Variants in PHF20 observed in about 807,000 individuals in gnomAD.
PHF20 encodes the protein glioma-expressed antigen 2.
Under a neutral mutation model 113.5 loss-of-function variants are expected in PHF20, and 23 were observed. The observed-to-expected ratio is 0.20, with a 90% CI of 0.15 to 0.29. The LOEUF is 0.29. PHF20 is among the 10% of genes least tolerant of loss of function. The pLI is 1.00. For missense variants in PHF20, 943 were observed against 1,219.6 expected, an observed-to-expected ratio of 0.77 and a Z score of 3.38; for synonymous variants, 434 against 457.3, an observed-to-expected ratio of 0.95 and a Z score of 0.65.
intron 15 of PHF20, among the ~76,000 whole-genome samples, chr20:35,936,716 GTA>G (rs1485666519): frequency 1.3e-5 from 2 of 152,028 alleles, no homozygotes; most frequent in Admixed American, 6.6e-5. Flanking sequence ...TTGCATTTTT[GTA>G]ATCAAATGCC....
intron 4 of PHF20, among the ~76,000 whole-genome samples, chr20:35,851,219 T>C (rs947292456): frequency 6.6e-6 from 1 of 152,200 alleles, no homozygotes; most frequent in African/African-American, 2.4e-5. Context: ...TCTGTTGATC[T>C]GTGGTTCTTT....
chr20:35,904,365 A>G (rs371204645), intron 10 of PHF20, among the ~76,000 whole-genome samples: 1 of 146,230 alleles, frequency 6.8e-6, no homozygotes, highest in African/African-American at 2.6e-5. Context: ...GCTCACTGCA[A>G]CCTCTGCCTT....
rs765401656 is a variant in PHF20, at chr20:35,938,932, G to A, written c.2536G>A (p.Ala846Thr). 14 of 1,614,082 alleles carry A rather than the reference G, an allele frequency of 8.7e-6. No homozygotes were observed. Among genetic ancestry groups the A allele is most frequent in the South Asian group, 5.5e-5 (5 of 91,090 alleles). ...TGAGCATTGCTACCAGAAGCCCCGC[G>A]CCTATTACCCTGCCGTGGAGCAGAA... ...TSEHCYQKPR[A>T]YYPAVEQKLV... Residue 846 changes from alanine (A) to threonine (T), a missense_variant, in exon 16 of 18, where the codon GCC (alanine) becomes ACC (threonine). By Grantham distance (58) the Ala-to-Thr change is moderately conservative. Transcript: ENST00000374012.
chr20:35,847,737 T>C (rs1435654213), intron 4 of PHF20, among the ~76,000 whole-genome samples: 1 of 152,216 alleles, frequency 6.6e-6, no homozygotes, highest in Non-Finnish European at 1.5e-5. Context: ...GTTCCTAATA[T>C]AATTGATGAC....
rs1456887132 is a variant in PHF20, at chr20:35,869,519, C to T, written c.890C>T (p.Pro297Leu). The T allele has an allele frequency of 3.1e-6, 5 of 1,607,574 alleles. No homozygotes were observed. Among genetic ancestry groups the T allele is most frequent in the Non-Finnish European group, 4.3e-6 (5 of 1,175,318 alleles). The change falls in exon 7 of 18, where the codon CCA becomes CTA. Residue 297 changes from proline to leucine, a missense_variant. Physicochemically the swap from Pro to Leu is moderately conservative, Grantham distance 98. Around this residue, in one of 3 missense-constraint regions of PHF20, gnomAD observed 592 missense variants for 787.2 expected, o/e 0.75. Coordinates refer to ENST00000374012, the MANE Select transcript of PHF20 (RefSeq NM_016436.5). ...RRKISKGCEVPLKRPRLDKNS... is the reference protein window; with the variant it reads ...RRKISKGCEVLLKRPRLDKNS... ...AAAATATCAAAAGGATGTGAAGTCC[C>T]ATTAAAACGTCCTCGGCTTGACAAA...
Position 35,787,018 on chromosome 20 carries a change from C to T in PHF20, c.-32-14473C>T, listed in dbSNP as rs1295876968. Among the ~76,000 whole-genome samples the T allele has an allele frequency of 3.2e-4, 44 of 138,088 alleles. No homozygotes were observed. The Admixed American group carries it at 3.3e-3, about 10-fold the overall frequency. The allele number at this position is 138,088 out of a possible 152,430, so 90.6% of individuals were successfully genotyped here. ...TTTTTTTTTTTTTTGGAGACAGGGT[C>T]TCTTGCTCTGTTGCCCAAGCTGGAG... On this transcript the variant is annotated intron_variant, in intron 1 of 17. Coordinates refer to ENST00000374012, the MANE Select transcript of PHF20 (RefSeq NM_016436.5).
chr20:35,851,394 C>T (rs565624005), intron 4 of PHF20, among the ~76,000 whole-genome samples: 5 of 152,244 alleles, frequency 3.3e-5, no homozygotes, highest in African/African-American at 1.2e-4. Context: ...GAGTCTCTGG[C>T]TGAAGCAGCT....
chr20:35,946,749 C>T (rs951517339), intron 17 of PHF20, among the ~76,000 whole-genome samples: 16 of 149,848 alleles, frequency 1.1e-4, no homozygotes, highest in Non-Finnish European at 1.2e-4. Context: ...CTCGCTTTGT[C>T]GCCAGGCTGG....
rs551398203 is a variant in PHF20, at chr20:35,780,917, G to A, written c.-33+8838G>A. ...AGCCCAGGCTGGAGTGCAATGGCAC[G>A]ATCTTGGCTCACTGCAACCTCCGCC... is the stretch of plus-strand genomic sequence containing the variant. On this transcript the variant is annotated intron_variant, in intron 1 of 17. Coordinates refer to ENST00000374012, the MANE Select transcript of PHF20 (RefSeq NM_016436.5). 3.0e-3 allele frequency among the ~76,000 whole-genome samples: 419 copies of A among 138,646 alleles called. 1 individual carries two copies. The highest frequency in any genetic ancestry group is 8.9e-3 in the South Asian group (39 of 4,376). 91.0% of individuals were successfully genotyped at this position (138,646 alleles called of 152,430 possible). A position where few individuals can be genotyped will look rare whatever the true frequency, so the allele number is the denominator to read the frequency against.
intron 10 of PHF20, among the ~76,000 whole-genome samples, chr20:35,901,493 G>A (rs1183499099): frequency 6.6e-6 from 1 of 151,804 alleles, no homozygotes; most frequent in Non-Finnish European, 1.5e-5. Flanking sequence ...AGAAACTGCA[G>A]AGAGATACCA....
chr20:35,935,145 C>T (rs1198423546), intron 15 of PHF20, among the ~76,000 whole-genome samples: 1 of 151,914 alleles, frequency 6.6e-6, no homozygotes, highest in Non-Finnish European at 1.5e-5. Flanking sequence ...GTGTCTGGCT[C>T]ATATTTCTTT....
At chr20:35,811,877 TCTC>T (rs2041984363) in intron 2 of PHF20, among the ~76,000 whole-genome samples, 1 of 151,932 alleles carries the variant, frequency 6.6e-6, no homozygotes, top group Non-Finnish European at 1.5e-5. Flanking sequence ...TTCCCACCAT[TCTC>T]CTGCCTCAGC....
chr20:35,795,052 T>A (rs2041638620), intron 1 of PHF20, among the ~76,000 whole-genome samples: 1 of 151,606 alleles, frequency 6.6e-6, no homozygotes. Context: ...ATTAGCTGGG[T>A]GTGGTGGTGT....
At chr20:35,920,217 C>T (rs932121159) in intron 13 of PHF20, among the ~76,000 whole-genome samples, 3 of 152,186 alleles carry the variant, frequency 2.0e-5, no homozygotes, top group South Asian at 4.1e-4. Context: ...AATGGAATCA[C>T]GTGGTATGTA....
At chr20:35,884,988 G>A (rs1052386458) in intron 9 of PHF20, among the ~76,000 whole-genome samples, 1 of 151,976 alleles carries the variant, frequency 6.6e-6, no homozygotes, top group Non-Finnish European at 1.5e-5. Flanking sequence ...ACGCCACCAC[G>A]CCTGGCTAAT....
chr20:35,792,497 C>T (rs1160062147), intron 1 of PHF20, among the ~76,000 whole-genome samples: 1 of 152,004 alleles, frequency 6.6e-6, no homozygotes, highest in African/African-American at 2.4e-5. Flanking sequence ...CTTCTTCCCT[C>T]TTTTCATTCT....
intron 1 of PHF20, among the ~76,000 whole-genome samples, chr20:35,781,767 A>G (rs1446646643): frequency 6.6e-6 from 1 of 152,102 alleles, no homozygotes; most frequent in Non-Finnish European, 1.5e-5. Context: ...CATCATGGCA[A>G]AACCCCATCT....
chr20:35,932,340 A>G (rs1376590289), intron 15 of PHF20, among the ~76,000 whole-genome samples: 2 of 149,842 alleles, frequency 1.3e-5, no homozygotes, highest in African/African-American at 2.5e-5. Flanking sequence ...AAGTGCTGGG[A>G]TTACAGGCAC....
chr20:35,930,935 G>A (rs567668831), intron 14 of PHF20, among the ~76,000 whole-genome samples: 1 of 152,234 alleles, frequency 6.6e-6, no homozygotes, highest in African/African-American at 2.4e-5. Context: ...AGCAGTAGGA[G>A]GCAGTGGAAG....
Sources: gnomAD v4.1 joint callset for allele counts (sites outside exome capture counted in the v4.1 genomes callset) on GRCh38, gnomAD v4.1.1 for gene constraint, gnomAD v4.1.1 regional missense constraint, MANE v1.5 for transcripts, NCBI Gene and HGNC (gene_info 2026-07-23, HGNC 2026-07-21) for gene names.